SGMS1: variants seen among roughly 807,000 people sequenced by gnomAD.
SGMS1 encodes the protein phosphatidylcholine:ceramide cholinephosphotransferase 1.
A neutral mutation model predicts 46.2 loss-of-function variants in SGMS1; 13 were observed. That is an observed-to-expected ratio of 0.28 (90% CI 0.18 to 0.45). The LOEUF (loss-of-function observed/expected upper bound fraction) is 0.45. SGMS1 is among the 20% of genes least tolerant of loss of function. The pLI, the probability that SGMS1 is intolerant of heterozygous loss-of-function variation, is 1.00. For missense variants in SGMS1, 324 were observed against 519.9 expected (o/e 0.62, Z 3.66); for synonymous variants, 203 against 187.8 (o/e 1.08, Z -0.66).
chr10:50,530,587 C>T (rs7898720), intron 2 of SGMS1, among the ~76,000 whole-genome samples: 10 of 152,132 alleles, frequency 6.6e-5, no homozygotes. Context: ...GGGCTCCAAG[C>T]GATCCTCCCG....
chr10:50,360,550 G>A (rs1031101386), intron 6 of SGMS1, among the ~76,000 whole-genome samples: 10 of 152,248 alleles, frequency 6.6e-5, no homozygotes, highest in Middle Eastern at 3.4e-3. Context: ...CCACTCAACT[G>A]ACTAACTGCC....
At chr10:50,402,295 T>C (rs897960086) in intron 6 of SGMS1, among the ~76,000 whole-genome samples, 1 of 152,238 alleles carries the variant, frequency 6.6e-6, no homozygotes, top group Non-Finnish European at 1.5e-5. Context: ...AAGCTTAGCA[T>C]TAGCTTTTTC....
At chr10:50,531,724 C>G (rs1202138445) in intron 2 of SGMS1, among the ~76,000 whole-genome samples, 1 of 152,202 alleles carries the variant, frequency 6.6e-6, no homozygotes, top group South Asian at 2.1e-4. Flanking sequence ...CCCACCTTCC[C>G]TACCTGCCCA....
chr10:50,390,126 C>T (rs148219892), intron 6 of SGMS1, among the ~76,000 whole-genome samples: 14 of 152,088 alleles, frequency 9.2e-5, no homozygotes, highest in African/African-American at 3.1e-4. Context: ...GAATAATAAC[C>T]GATGGTTAAA....
At chr10:50,555,699 ATCTC>A (rs1244172492) in intron 2 of SGMS1, among the ~76,000 whole-genome samples, 2 of 152,148 alleles carry the variant, frequency 1.3e-5, no homozygotes, top group African/African-American at 4.8e-5. Context: ...ATATAGAAAA[ATCTC>A]TCTATCTAAA....
At chr10:50,530,638 C>T (rs944218812) in intron 2 of SGMS1, among the ~76,000 whole-genome samples, 1 of 152,112 alleles carries the variant, frequency 6.6e-6, no homozygotes, top group Non-Finnish European at 1.5e-5. Context: ...GTATGTGCCA[C>T]CACATCTGGC....
chr10:50,624,968 C>G, upstream of SGMS1: 4 of 1,036,508 alleles, frequency 3.9e-6, no homozygotes, highest in Non-Finnish European at 4.7e-6. Flanking sequence ...GCCCGGCCAT[C>G]GGGCCGCGGG....
chr10:50,396,804 C>T (rs895264342), intron 6 of SGMS1, among the ~76,000 whole-genome samples: 2 of 152,092 alleles, frequency 1.3e-5, no homozygotes, highest in Non-Finnish European at 2.9e-5. Flanking sequence ...TCTTCCTTCC[C>T]CCAATTTCTA....
chr10:50,592,562 T>C (rs575844123), intron 1 of SGMS1, among the ~76,000 whole-genome samples: 8 of 152,216 alleles, frequency 5.3e-5, no homozygotes, highest in African/African-American at 1.9e-4. Flanking sequence ...CAGATCTAGG[T>C]ACACGTAGAA....
chr10:50,541,676 A>T (rs978279131), intron 2 of SGMS1, among the ~76,000 whole-genome samples: 1 of 152,186 alleles, frequency 6.6e-6, no homozygotes, highest in Non-Finnish European at 1.5e-5. Flanking sequence ...ATGGAATAAA[A>T]ATGCTGGCCC....
chr10:50,347,773 A>G (rs1470745405), intron 6 of SGMS1, among the ~76,000 whole-genome samples: 5 of 152,198 alleles, frequency 3.3e-5, no homozygotes, highest in Non-Finnish European at 7.3e-5. Flanking sequence ...GGGACCAGAC[A>G]GAGGCCAAAG....
At chr10:50,431,517 A>C (rs1849403918) in intron 6 of SGMS1, among the ~76,000 whole-genome samples, 2 of 152,204 alleles carry the variant, frequency 1.3e-5, no homozygotes, top group Non-Finnish European at 2.9e-5. Context: ...CTAAAGGGCA[A>C]GTTAGAAAAC....
At chr10:50,346,539 A>G (rs1847915054) in intron 6 of SGMS1, among the ~76,000 whole-genome samples, 1 of 152,202 alleles carries the variant, frequency 6.6e-6, no homozygotes, top group Non-Finnish European at 1.5e-5. Context: ...AATACATACT[A>G]TAATCTCTCC....
At chr10:50,608,425 G>A (rs1838716721) in intron 1 of SGMS1, among the ~76,000 whole-genome samples, 1 of 152,088 alleles carries the variant, frequency 6.6e-6, no homozygotes, top group African/African-American at 2.4e-5. Context: ...AACCCATCTG[G>A]CTAAAAGGCT....
chr10:50,536,106 G>A (rs1185616234), intron 2 of SGMS1, among the ~76,000 whole-genome samples: 2 of 152,062 alleles, frequency 1.3e-5, no homozygotes, highest in Non-Finnish European at 2.9e-5. Flanking sequence ...GGCTGAAGTC[G>A]AAAGATCTCT....
intron 2 of SGMS1, among the ~76,000 whole-genome samples, chr10:50,526,078 G>A (rs897250276): frequency 2.1e-4 from 32 of 152,144 alleles, no homozygotes; most frequent in African/African-American, 7.5e-4. Context: ...CTAGTGCTGT[G>A]GGATTCACGT....
chr10:50,424,956 A>ACATACAT (rs1003406574), intron 6 of SGMS1, among the ~76,000 whole-genome samples: 30 of 152,102 alleles, frequency 2.0e-4, no homozygotes, highest in Admixed American at 5.2e-4. Context: ...AGCACAGCCA[A>ACATACAT]CATACATACA....
intron 5 of SGMS1, among the ~76,000 whole-genome samples, chr10:50,434,983 A>C (rs1849456678): frequency 6.6e-6 from 1 of 152,172 alleles, no homozygotes; most frequent in Non-Finnish European, 1.5e-5. Context: ...CAGCCTCAAT[A>C]AAAATAGCAA....
At chr10:50,454,231 C>T (rs1397586756) in intron 5 of SGMS1, among the ~76,000 whole-genome samples, 2 of 151,966 alleles carry the variant, frequency 1.3e-5, no homozygotes, top group South Asian at 2.1e-4. Context: ...CCTCACATGT[C>T]GAGCTAAAGA....
Sources: allele counts gnomAD v4.1 joint callset (sites outside exome capture counted in the v4.1 genomes callset), GRCh38; gene constraint gnomAD v4.1.1; transcripts MANE v1.5; gene names NCBI Gene and HGNC (gene_info 2026-07-23, HGNC 2026-07-21).